CPXM2: variants seen among roughly 807,000 people sequenced by gnomAD.
CPXM2 encodes the protein carboxypeptidase X, M14 family member 2.
Under a neutral mutation model 86.1 loss-of-function variants are expected in CPXM2, and 66 were observed. The ratio of observed to expected loss-of-function variants is 0.77; its 90% confidence interval spans 0.63 to 0.94. The LOEUF (loss-of-function observed/expected upper bound fraction) is 0.94. Ranked by LOEUF, CPXM2 falls within the 40% of genes least tolerant of loss-of-function variation. The pLI is 0.00. For synonymous variants in CPXM2, 388 were observed against 400.2 expected (o/e 0.97, Z 0.36); for missense variants, 948 against 1,026.3 (o/e 0.92, Z 1.04).
intron 8 of CPXM2, among the ~76,000 whole-genome samples, 179 bp from the exon 9 acceptor site, chr10:123,768,901 A>G (rs1240592348): frequency 6.6e-6 from 1 of 152,224 alleles, no homozygotes; most frequent in Non-Finnish European, 1.5e-5. Flanking sequence ...ATTCCCAGAC[A>G]GTCAGGTATG....
In CPXM2 at chr10:123,891,153, T is replaced by A. The variant is rs546163754; in HGVS notation, c.304+203A>T. ...GGGCATAAGCCAGAGCTGAAATGCA[T>A]GTCAGGGTCAAGGACAAGTTCTGGG... On this transcript the variant is annotated intron_variant, in intron 1 of 13. Transcript: ENST00000241305. The surrounding 1 kb of genome is among the most constrained non-coding windows in gnomAD (Gnocchi z 5.6). Among the ~76,000 whole-genome samples, 1 of 152,194 alleles carries A rather than the reference T, an allele frequency of 6.6e-6. No homozygotes were observed. Among genetic ancestry groups the A allele is most frequent in the African/African-American group, 2.4e-5 (1 of 41,450 alleles).
chr10:123,789,878 G>T (rs1042689709), intron 6 of CPXM2, among the ~76,000 whole-genome samples: 1 of 152,084 alleles, frequency 6.6e-6, no homozygotes, highest in Non-Finnish European at 1.5e-5. Context: ...CAGCACTTTG[G>T]GAGGCCGAGG....
intron 4 of CPXM2, among the ~76,000 whole-genome samples, chr10:123,836,980 AC>A (rs1848294979): frequency 6.6e-6 from 1 of 151,096 alleles, no homozygotes; most frequent in African/African-American, 2.4e-5. Context: ...CCCATCAGCC[AC>A]CCCCCACTAA....
intron 4 of CPXM2, among the ~76,000 whole-genome samples, chr10:123,829,968 C>T (rs985031287): frequency 1.0e-4 from 15 of 146,976 alleles, no homozygotes; most frequent in Non-Finnish European, 1.3e-4. Context: ...AAAAAAAAAG[C>T]TTGATATGTT....
intron 6 of CPXM2, among the ~76,000 whole-genome samples, chr10:123,795,483 G>A (rs1847315337): frequency 6.6e-6 from 1 of 152,148 alleles, no homozygotes; most frequent in Non-Finnish European, 1.5e-5. Context: ...GGCCTGGAAA[G>A]TGCAGACTCG....
At chr10:123,753,446 G>A (rs1846125798) in intron 13 of CPXM2, among the ~76,000 whole-genome samples, 1 of 152,178 alleles carries the variant, frequency 6.6e-6, no homozygotes, top group Non-Finnish European at 1.5e-5. Flanking sequence ...CAGCCCACCT[G>A]GGGGTCAGAA....
chr10:123,753,692 G>A (rs1589960445), intron 13 of CPXM2, among the ~76,000 whole-genome samples: 2 of 152,306 alleles, frequency 1.3e-5, no homozygotes, highest in East Asian at 1.9e-4. Flanking sequence ...CTGTCCTGAC[G>A]TGGTACGGCC....
At chr10:123,928,942 G>A (rs1945644989) in intron 2 of CPXM2, among the ~76,000 whole-genome samples, 1 of 152,224 alleles carries the variant, frequency 6.6e-6, no homozygotes, top group Non-Finnish European at 1.5e-5. Context: ...GTGGTAACTG[G>A]GAGATGGGGC....
rs1437436909 is a variant in CPXM2, at chr10:123,891,019, T to C, written c.304+337A>G. ...AGGATTGAAGAAGTAGGCAGAGAAG[T>C]AAGAGGCATCCAGCAGAAAGACCCT... On this transcript the variant is annotated intron_variant, in intron 1 of 13. Transcript: ENST00000241305. This position sits in a 1 kb window ranked among gnomAD's most constrained non-coding sequence, Gnocchi z 5.6. 6.6e-6 allele frequency among the ~76,000 whole-genome samples: 1 copy of C among 152,190 alleles called. No homozygotes were observed. Among genetic ancestry groups the C allele is most frequent in the African/African-American group, 2.4e-5 (1 of 41,446 alleles).
intron 2 of CPXM2, among the ~76,000 whole-genome samples, chr10:123,915,924 C>G (rs1945531220): frequency 1.3e-5 from 2 of 152,164 alleles, no homozygotes; most frequent in South Asian, 4.1e-4. Context: ...CTCTGCTGCC[C>G]TTGAGCAATT....
chr10:123,931,506 C>G (rs765673723), intron 2 of CPXM2: 1 of 152,178 alleles, frequency 6.6e-6, no homozygotes, highest in Non-Finnish European at 1.5e-5. Flanking sequence ...GTGAATCCTT[C>G]TAGGGAACTG....
At chr10:123,829,002 T>C (rs1442944620) in intron 4 of CPXM2, among the ~76,000 whole-genome samples, 3 of 152,172 alleles carry the variant, frequency 2.0e-5, no homozygotes, top group Admixed American at 2.0e-4. Flanking sequence ...AAAAATCTGC[T>C]AGATGAAGAA....
At chr10:123,871,925 C>G (rs1301208996) in intron 2 of CPXM2, among the ~76,000 whole-genome samples, 1 of 152,106 alleles carries the variant, frequency 6.6e-6, no homozygotes, top group African/African-American at 2.4e-5. Flanking sequence ...AGCACATATT[C>G]ACAAATGAGG....
At chr10:123,840,421 C>T (rs1304927324) in intron 4 of CPXM2, among the ~76,000 whole-genome samples, 1 of 152,172 alleles carries the variant, frequency 6.6e-6, no homozygotes, top group Admixed American at 6.5e-5. Context: ...TATTTGAGCT[C>T]TGAAAATGTA....
At chr10:123,911,525 A>AACTAAT (rs1249153451) in intron 2 of CPXM2, among the ~76,000 whole-genome samples, 6 of 151,556 alleles carry the variant, frequency 4.0e-5, no homozygotes, top group Non-Finnish European at 7.4e-5. Flanking sequence ...TTAGTTTTAA[A>AACTAAT]GGCAAAACCC....
chr10:123,764,367 G>A (rs1244212585), intron 10 of CPXM2, among the ~76,000 whole-genome samples: 1 of 152,196 alleles, frequency 6.6e-6, no homozygotes, highest in Non-Finnish European at 1.5e-5. Context: ...TGGCGAGATA[G>A]TATTGTGAAT....
intron 4 of CPXM2, among the ~76,000 whole-genome samples, chr10:123,830,322 G>A (rs539751287): frequency 2.6e-5 from 4 of 152,294 alleles, no homozygotes; most frequent in African/African-American, 9.6e-5. Context: ...CTACCATGCT[G>A]GAGTTTCACA....
chr10:123,898,593 C>T, intron 2 of CPXM2, among the ~76,000 whole-genome samples: 1 of 152,132 alleles, frequency 6.6e-6, no homozygotes, highest in Middle Eastern at 3.2e-3. Context: ...AGCTATAATA[C>T]ACCACTGCAA....
intron 4 of CPXM2, among the ~76,000 whole-genome samples, chr10:123,838,832 C>G (rs138793389): frequency 3.7e-4 from 57 of 152,276 alleles, no homozygotes; most frequent in Middle Eastern, 3.4e-3. Context: ...GGATAGTAAC[C>G]TGCGCAGACC....
Sources: allele counts gnomAD v4.1 joint callset (sites outside exome capture counted in the v4.1 genomes callset), GRCh38; gene constraint gnomAD v4.1.1; non-coding constraint Gnocchi (gnomAD v3.1); transcripts MANE v1.5; gene names NCBI Gene and HGNC (gene_info 2026-07-23, HGNC 2026-07-21).